NBEAL2: variants seen among roughly 807,000 people sequenced by gnomAD.
NBEAL2 encodes the protein neurobeachin-like protein 2.
Under a neutral mutation model 299.8 loss-of-function variants are expected in NBEAL2, and 160 were observed. That is an observed-to-expected ratio of 0.53 (90% CI 0.47 to 0.61). The LOEUF is 0.61. NBEAL2 is among the 20% of genes least tolerant of loss of function. The probability of loss-of-function intolerance (pLI) is 0.00; values close to 1 mark genes in which losing one functional copy is unlikely to be tolerated. For missense variants in NBEAL2, 3,112 were observed against 3,649.0 expected, an observed-to-expected ratio of 0.85 and a Z score of 3.79; for synonymous variants, 1,493 against 1,542.3, an observed-to-expected ratio of 0.97 and a Z score of 0.75.
At position 46,996,939 on chromosome 3, in the gene NBEAL2, T is replaced by A; in HGVS notation, c.2557-15T>A. ...CCCTCTGACCCTGGCTGCCTGCCCA[T>A]TCCCCTATCCCTAGGCTTGTAAGAA... On this transcript the variant is annotated splice_polypyrimidine_tract_variant and intron_variant, in intron 17 of 53. Transcript: ENST00000450053. 6.2e-7 allele frequency: 1 copy of A among 1,612,664 alleles called. No individual in the cohort carries two copies. Among genetic ancestry groups the A allele is most frequent in the South Asian group, 1.1e-5 (1 of 91,072 alleles).
chr3:47,007,218 C>G, intron 46 of NBEAL2, 23 bp from the exon 47 acceptor site: 1 of 1,609,704 alleles, frequency 6.2e-7, no homozygotes, highest in Non-Finnish European at 8.5e-7. Flanking sequence ...CAGAAACCCA[C>G]CTCTGCCCCC....
intron 43 of NBEAL2, 45 bp downstream of exon 43, chr3:47,006,108 G>A (rs1199065238): frequency 2.5e-6 from 4 of 1,613,070 alleles, no homozygotes; most frequent in Non-Finnish European, 3.4e-6. Context: ...ACAAGATCAG[G>A]TCGGGTGGAT....
chr3:47,008,589 C>T lies in NBEAL2; in HGVS notation c.7948C>T (p.Pro2650Ser). The T allele has an allele frequency of 1.2e-6, 2 of 1,613,672 alleles. No homozygotes were observed. The highest frequency in any genetic ancestry group is 1.7e-6 in the Non-Finnish European group (2 of 1,179,874). The change falls in exon 52 of 54, where the codon CCT becomes TCT. Residue 2650 changes from proline (P) to serine (S), a missense_variant. Transcript: ENST00000450053. ...GGCTTCACTGCCCCTGGCAGAGCAG[C>T]CTACAGCCCTGACGGTGACAGAGGA... is the stretch of plus-strand genomic sequence containing the variant. ...LRASLPLAEQ[P>S]TALTVTEDFV...
Position 46,979,925 on chromosome 3 carries a change from C to A in NBEAL2, c.51+13C>A. Reference sequence around the variant, plus strand: ...CTACTACGCGCAGGTGAGCCCGCCCCGCCCCGCGCCCGCACCCGCACCCGC... The same window carrying A: ...CTACTACGCGCAGGTGAGCCCGCCCAGCCCCGCGCCCGCACCCGCACCCGC... On this transcript the variant is annotated intron_variant, in intron 1 of 53. Coordinates refer to ENST00000450053, the MANE Select transcript of NBEAL2 (RefSeq NM_015175.3). 2.7e-6 allele frequency: 1 copy of A among 377,036 alleles called. No individual in the cohort carries two copies. 23.4% of individuals were successfully genotyped at this position (377,036 alleles called of 1,614,324 possible).
rs780140037 is a variant in NBEAL2 at position 46,996,376 on chromosome 3, G to T, written c.2257G>T (p.Ala753Ser). Residue 753 changes from alanine to serine, a missense_variant, in exon 16 of 54, where the codon GCC (alanine) becomes TCC (serine). By Grantham distance (99) the Ala-to-Ser change is moderately conservative. Coordinates refer to ENST00000450053, the MANE Select transcript of NBEAL2 (RefSeq NM_015175.3). ...VPATLAYTHP[A>S]LTRSQSVPAS... The stretch of plus-strand genomic sequence containing the variant: ...CGCCACCCTGGCCTACACTCACCCC[G>T]CCCTCACCCGCTCCCAGTCAGTCCC... 6 of 1,611,998 alleles carry T rather than the reference G, an allele frequency of 3.7e-6. No individual in the cohort carries two copies. Among genetic ancestry groups the T allele is most frequent in the African/African-American group, 1.3e-5 (1 of 75,000 alleles).
rs1176768346 is a variant in NBEAL2, at chr3:46,986,165, T to C, written c.52-2504T>C. Among the ~76,000 whole-genome samples, 4 of 152,268 alleles carry C rather than the reference T, an allele frequency of 2.6e-5. No homozygotes were observed. In the East Asian group the frequency reaches 7.7e-4, roughly 29 times the overall value. ...CCTTTCAGAGCCCCTGAAGGCTGTCTTGATTGTCCCAGCCCTGAACCCAGC... is the reference window on the plus strand; with the variant it reads ...CCTTTCAGAGCCCCTGAAGGCTGTCCTGATTGTCCCAGCCCTGAACCCAGC... On this transcript the variant is annotated intron_variant, in intron 1 of 53. Transcript: ENST00000450053.
In NBEAL2 at chr3:46,991,489, G is replaced by C. The variant is rs1405669215; in HGVS notation, c.726G>C (p.Pro242=). ...GGGGCTGGAGCCGTGGGCCAGCCCC[G>C]GACCCGTGCCTAGTGCCACTGGCTC... The part of the protein sequence containing the change: ...VVRGWSRGPA[P]DPCLVPLALE... The change falls in exon 8 of 54, where the codon CCG becomes CCC. Residue 242 remains proline (P), a synonymous_variant. Transcript: ENST00000450053. This position sits in a 1 kb window ranked among gnomAD's most constrained non-coding sequence, Gnocchi z 6.2. The C allele has an allele frequency of 1.2e-6, 2 of 1,612,406 alleles. No homozygotes were observed. The highest frequency in any genetic ancestry group is 1.7e-6 in the Non-Finnish European group (2 of 1,179,832).
At position 47,002,817 on chromosome 3, in the gene NBEAL2, G is replaced by A; in HGVS notation, c.5459+15G>A. 6.4e-7 allele frequency: 1 copy of A among 1,553,072 alleles called. No homozygotes were observed. Among genetic ancestry groups the A allele is most frequent in the Non-Finnish European group, 8.7e-7 (1 of 1,154,444 alleles). On this transcript the variant is annotated intron_variant, in intron 33 of 53. Coordinates refer to ENST00000450053, the MANE Select transcript of NBEAL2 (RefSeq NM_015175.3). ...TGGGCGCTGAGGTGGGCCGGGCTTG[G>A]GGCAGGGTCGCTGTGGAGGGGTGGG...
At position 47,009,656 on chromosome 3, in the gene NBEAL2, G is replaced by A; in HGVS notation, c.*336G>A. 2.9e-6 allele frequency: 1 copy of A among 345,194 alleles called. No individual in the cohort carries two copies. Among genetic ancestry groups the A allele is most frequent in the Non-Finnish European group, 5.3e-6 (1 of 187,662 alleles). The allele number at this position is 345,194 out of a possible 1,614,324, so 21.4% of individuals were successfully genotyped here. A position where few individuals can be genotyped will look rare whatever the true frequency, so the allele number is the denominator to read the frequency against. ...GCCTGTGGCCTTAATTCCTAACGGC[G>A]GCCCCGGTTCTCCCTTCTCGGCAAT... On this transcript the variant is annotated 3_prime_UTR_variant, in exon 54 of 54. Transcript: ENST00000450053.
rs920582500 is a variant in NBEAL2, at chr3:46,991,850, C to G, written c.936C>G (p.Pro312=). ...TLRVSMLDAI[P]MMLACEDRPV... Reference sequence around the variant, plus strand: ...TTGACCCTTCCACAGACGCCATCCCCATGATGCTGGCATGTGAAGACCGGC... The same window carrying G: ...TTGACCCTTCCACAGACGCCATCCCGATGATGCTGGCATGTGAAGACCGGC... The change falls in exon 9 of 54, where the codon CCC becomes CCG. Residue 312 remains proline (P), a synonymous_variant. Coordinates refer to ENST00000450053, the MANE Select transcript of NBEAL2 (RefSeq NM_015175.3). This position sits in a 1 kb window ranked among gnomAD's most constrained non-coding sequence, Gnocchi z 6.2. 3.8e-6 allele frequency: 6 copies of G among 1,597,292 alleles called. No homozygotes were observed. The African/African-American group carries it at 8.1e-5, about 21-fold the overall frequency.
At chr3:46,990,357 CT>C (rs2035996342) in intron 6 of NBEAL2, among the ~76,000 whole-genome samples, 1 of 152,204 alleles carries the variant, frequency 6.6e-6, no homozygotes, top group African/African-American at 2.4e-5. Context: ...CATCATATCC[CT>C]TGATGTCAAC....
chr3:47,002,417 G>T lies in NBEAL2; in HGVS notation c.5198G>T (p.Ser1733Ile). ...TTCGAAATGGACACGTATGCTAAGA[G>T]CCACGACCTTATGTCAGGTTTCTGG... is the stretch of plus-strand genomic sequence containing the variant. ...SQFEMDTYAK[S>I]HDLMSGFWNA... is the part of the protein sequence containing the mutation. The change falls in exon 32 of 54, where the codon AGC becomes ATC. Residue 1733 changes from serine (S) to isoleucine (I), a missense_variant. This residue lies in a region of NBEAL2 where 2,243 missense variants were observed against 2,538.1 expected (regional missense o/e 0.88). Coordinates refer to ENST00000450053, the MANE Select transcript of NBEAL2 (RefSeq NM_015175.3). The T allele has an allele frequency of 6.2e-7, 1 of 1,613,608 alleles. No individual in the cohort carries two copies. Among genetic ancestry groups the T allele is most frequent in the Non-Finnish European group, 8.5e-7 (1 of 1,179,900 alleles).
chr3:47,002,072 A>C lies in NBEAL2; in HGVS notation c.4935A>C (p.Ala1645=). The C allele has an allele frequency of 6.4e-7, 1 of 1,552,406 alleles. No homozygotes were observed. Among genetic ancestry groups the C allele is most frequent in the Non-Finnish European group, 8.7e-7 (1 of 1,147,972 alleles). ...CCTTGGAGTCAGCCACTGATGAGGCAGGGTCCCCACTTGCAGCTGCAGCAG... is the reference window on the plus strand; with the variant it reads ...CCTTGGAGTCAGCCACTGATGAGGCCGGGTCCCCACTTGCAGCTGCAGCAG... ...TSSLESATDE[A]GSPLAAAAAA... Residue 1645 remains alanine (A), a synonymous_variant, in exon 31 of 54, where the codon GCA becomes GCC. Coordinates refer to ENST00000450053, the MANE Select transcript of NBEAL2 (RefSeq NM_015175.3).
At chr3:46,980,373 G>C (rs937632627) in intron 1 of NBEAL2, among the ~76,000 whole-genome samples, 8 of 152,166 alleles carry the variant, frequency 5.3e-5, no homozygotes, top group African/African-American at 9.7e-5. Context: ...GGGTCTGGGG[G>C]TGTGGGCCAA....
Position 46,996,545 on chromosome 3 carries a change from T to C in NBEAL2, c.2426T>C (p.Phe809Ser). ...LEGELGAVAI[F>S]HEALQATALR... ...GGTGAGCTGGGGGCTGTGGCCATCT[T>C]TCACGAAGCCCTGCAGGCGACGGCT... Residue 809 changes from phenylalanine to serine, a missense_variant, in exon 16 of 54, where the codon TTT (phenylalanine) becomes TCT (serine). By Grantham distance (155) the Phe-to-Ser change is radical. Coordinates refer to ENST00000450053, the MANE Select transcript of NBEAL2 (RefSeq NM_015175.3). 2 of 1,544,756 alleles carry C rather than the reference T, an allele frequency of 1.3e-6. No homozygotes were observed. The highest frequency in any genetic ancestry group is 1.7e-6 in the Non-Finnish European group (2 of 1,142,880).
In NBEAL2 at chr3:46,991,898, C is replaced by T; in HGVS notation, c.984C>T (p.Leu328=). 6.2e-7 allele frequency: 1 copy of T among 1,604,488 alleles called. No homozygotes were observed. The highest frequency in any genetic ancestry group is 8.5e-7 in the Non-Finnish European group (1 of 1,175,706). The part of the protein sequence containing the change: ...EDRPVLQATF[L]SNNCFEHLTR... ...GGCCAGTGCTGCAAGCCACCTTCCT[C>T]AGCAACAATTGCTTTGAACACCTCA... The change falls in exon 9 of 54, where the codon CTC becomes CTT. Residue 328 remains leucine, a synonymous_variant. Transcript: ENST00000450053. This position sits in a 1 kb window ranked among gnomAD's most constrained non-coding sequence, Gnocchi z 6.2.
Position 47,005,044 on chromosome 3 carries a change from T to TG in NBEAL2, c.6367_6368insG (p.Ser2123CysfsTer2). On this transcript the variant is annotated frameshift_variant, in exon 39 of 54. Transcript: ENST00000450053. LOFTEE classifies it high-confidence loss of function. ...CAACCCAGCCGTCTTCCGGGACCTG[T>TG]CTAAGCCCATCGGTGTGGTGAACCC... is the stretch of plus-strand genomic sequence containing the variant. 6.2e-7 allele frequency: 1 copy of TG among 1,613,442 alleles called. No individual in the cohort carries two copies. Among genetic ancestry groups the TG allele is most frequent in the Non-Finnish European group, 8.5e-7 (1 of 1,179,732 alleles).
Position 47,008,438 on chromosome 3 carries a change from C to G in NBEAL2, c.7875C>G (p.Ala2625=). ...VQSSAWERPG[A]QVTYSLHLYS... is the part of the protein sequence containing the mutation. ...GCTCAGCGTGGGAACGTCCTGGGGC[C>G]CAGGTATGGGGAAGGGGTGCCCAGC... Residue 2625 remains alanine (A), a synonymous_variant, in exon 51 of 54, where the codon GCC becomes GCG. Transcript: ENST00000450053. The G allele has an allele frequency of 6.2e-7, 1 of 1,611,638 alleles. No homozygotes were observed. Among genetic ancestry groups the G allele is most frequent in the Non-Finnish European group, 8.5e-7 (1 of 1,178,044 alleles).
At chr3:46,994,738 G>A (rs1575598074) in intron 12 of NBEAL2, among the ~76,000 whole-genome samples, 185 bp downstream of exon 12, 1 of 152,212 alleles carries the variant, frequency 6.6e-6, no homozygotes, top group Admixed American at 6.5e-5. Flanking sequence ...AGGGGTCCTG[G>A]AAGCAACTGC....
Sources: allele counts gnomAD v4.1 joint callset (sites outside exome capture counted in the v4.1 genomes callset), GRCh38; gene constraint gnomAD v4.1.1; regional missense constraint gnomAD v4.1.1; non-coding constraint Gnocchi (gnomAD v3.1); transcripts MANE v1.5; gene names NCBI Gene and HGNC (gene_info 2026-07-23, HGNC 2026-07-21).